The following SEMA5A variants were observed in gnomAD, a reference collection of about 807,000 sequenced individuals.
SEMA5A encodes the protein semaphorin 5A.
Under a neutral mutation model 135.5 loss-of-function variants are expected in SEMA5A, and 55 were observed. The observed-to-expected ratio is 0.41, with a 90% confidence interval of 0.33 to 0.51. SEMA5A has a LOEUF of 0.51. Ranked by LOEUF, SEMA5A falls within the 20% of genes least tolerant of loss-of-function variation. The pLI is 0.37. For synonymous variants in SEMA5A, 580 were observed against 546.5 expected, an observed-to-expected ratio of 1.06 and a Z score of -0.85; for missense variants, 1,290 against 1,419.9, an observed-to-expected ratio of 0.91 and a Z score of 1.47.
intron 15 of SEMA5A, among the ~76,000 whole-genome samples, chr5:9,117,214 C>T (rs1249138244): frequency 2.0e-5 from 3 of 152,154 alleles, no homozygotes; most frequent in African/African-American, 7.2e-5. Flanking sequence ...TATGTGGATG[C>T]AAACGTACGC....
At chr5:9,441,510 G>A (rs920138226) in intron 1 of SEMA5A, among the ~76,000 whole-genome samples, 9 of 152,102 alleles carry the variant, frequency 5.9e-5, no homozygotes, top group African/African-American at 1.9e-4. Flanking sequence ...ACCCCACCAC[G>A]GAGCCCACCA....
intron 4 of SEMA5A, among the ~76,000 whole-genome samples, chr5:9,326,795 A>G (rs1334063856): frequency 6.6e-6 from 1 of 152,172 alleles, no homozygotes; most frequent in Non-Finnish European, 1.5e-5. Context: ...TAAAATAAGG[A>G]AAAATAGTAA....
At chr5:9,324,877 C>A (rs57561781) in intron 4 of SEMA5A, among the ~76,000 whole-genome samples, 2,485 of 152,328 alleles carry the variant, frequency 0.016, 65 homozygotes, top group African/African-American at 0.057. Context: ...CTTCTGGCCC[C>A]TGGCCAACTG....
At position 9,156,318 on chromosome 5, in the gene SEMA5A, A is replaced by G. The variant is rs79907440; in HGVS notation, c.1274-1623T>C. The stretch of plus-strand genomic sequence containing the variant: ...GGTCTCTCTGCCTGGGGTACAGCGA[A>G]GAGTCAATAAACTTACACAGCACCA... On this transcript the variant is annotated intron_variant, in intron 11 of 22. Coordinates refer to ENST00000382496, the MANE Select transcript of SEMA5A (RefSeq NM_003966.3). Among the ~76,000 whole-genome samples the G allele has an allele frequency of 3.2e-3, 495 of 152,316 alleles. 5 individuals are homozygous for G. The highest frequency in any genetic ancestry group is 0.011 in the African/African-American group (452 of 41,562).
intron 10 of SEMA5A, among the ~76,000 whole-genome samples, chr5:9,195,055 G>T (rs1183072703): frequency 6.6e-6 from 1 of 152,128 alleles, no homozygotes; most frequent in Non-Finnish European, 1.5e-5. Flanking sequence ...TAACCTTCAG[G>T]ATTTTATTAT....
At chr5:9,223,983 G>C (rs1747152167) in intron 8 of SEMA5A, among the ~76,000 whole-genome samples, 1 of 152,130 alleles carries the variant, frequency 6.6e-6, no homozygotes, top group Non-Finnish European at 1.5e-5. Context: ...TGGATGAAAA[G>C]GGGAGAGGGA....
intron 11 of SEMA5A, among the ~76,000 whole-genome samples, chr5:9,162,634 G>T (rs1279551154): frequency 1.4e-5 from 2 of 145,194 alleles, no homozygotes; most frequent in South Asian, 4.3e-4. Context: ...AAGAAATGCA[G>T]TCGATTTCCT....
intron 5 of SEMA5A, among the ~76,000 whole-genome samples, chr5:9,247,214 A>G (rs1748527572): frequency 6.6e-6 from 1 of 152,126 alleles, no homozygotes; most frequent in Admixed American, 6.6e-5. Flanking sequence ...GGAATATCCC[A>G]TTTGTGATTT....
At chr5:9,136,670 T>G (rs781372611) in intron 12 of SEMA5A, 49 bp from the exon 13 acceptor site, 8 of 1,490,260 alleles carry the variant, frequency 5.4e-6, no homozygotes, top group Non-Finnish European at 7.5e-6. Context: ...TTACCCATGA[T>G]AAGATACACA....
At chr5:9,247,909 G>A (rs573466043) in intron 5 of SEMA5A, among the ~76,000 whole-genome samples, 6 of 152,236 alleles carry the variant, frequency 3.9e-5, no homozygotes, top group African/African-American at 1.4e-4. Context: ...TGGTAAATGA[G>A]CACTTAGTGA....
chr5:9,327,015 A>G (rs1300698958), intron 4 of SEMA5A, among the ~76,000 whole-genome samples: 1 of 152,270 alleles, frequency 6.6e-6, no homozygotes, highest in East Asian at 1.9e-4. Flanking sequence ...AAATTCTAGG[A>G]GACTTTTTAT....
chr5:9,119,879 T>C (rs1035870932), intron 14 of SEMA5A, among the ~76,000 whole-genome samples: 1 of 152,150 alleles, frequency 6.6e-6, no homozygotes, highest in African/African-American at 2.4e-5. Flanking sequence ...TTTATGTTAT[T>C]ACACATACAG....
chr5:9,157,965 A>C (rs150903179), intron 11 of SEMA5A, among the ~76,000 whole-genome samples: 1 of 152,168 alleles, frequency 6.6e-6, no homozygotes, highest in Admixed American at 6.5e-5. Context: ...TTAGTTACTA[A>C]CTTACTTGTT....
rs1248243648 is a variant in SEMA5A, at chr5:9,203,561, A to C, written c.647-1321T>G. Reference sequence around the variant, plus strand: ...AAGGGTTGGGATTGACTACTCTGTTATTCTGTCCAGGAAGACTATTGCCAA... The same window carrying C: ...AAGGGTTGGGATTGACTACTCTGTTCTTCTGTCCAGGAAGACTATTGCCAA... On this transcript the variant is annotated intron_variant, in intron 8 of 22. Coordinates refer to ENST00000382496, the MANE Select transcript of SEMA5A (RefSeq NM_003966.3). Among the ~76,000 whole-genome samples the C allele has an allele frequency of 2.0e-5, 3 of 152,218 alleles. No individual in the cohort carries two copies. The South Asian group carries it at 6.2e-4, about 31-fold the overall frequency.
chr5:9,211,292 A>T (rs1174017725), intron 8 of SEMA5A, among the ~76,000 whole-genome samples: 1 of 152,072 alleles, frequency 6.6e-6, no homozygotes, highest in Non-Finnish European at 1.5e-5. Flanking sequence ...TAGGCTGCTG[A>T]CTATGCAGTC....
intron 5 of SEMA5A, among the ~76,000 whole-genome samples, chr5:9,288,151 T>C (rs1040424551): frequency 6.6e-6 from 1 of 152,218 alleles, no homozygotes; most frequent in East Asian, 1.9e-4. Context: ...TCAAGGGTTC[T>C]ATAGGAATTA....
chr5:9,081,697 C>T (rs1236061508), intron 16 of SEMA5A, among the ~76,000 whole-genome samples: 1 of 152,110 alleles, frequency 6.6e-6, no homozygotes, highest in Non-Finnish European at 1.5e-5. Context: ...TTTAAGGTGC[C>T]TGATACTGTT....
chr5:9,467,436 G>A (rs1263088165), intron 1 of SEMA5A, among the ~76,000 whole-genome samples: 1 of 152,174 alleles, frequency 6.6e-6, no homozygotes, highest in Admixed American at 6.5e-5. Flanking sequence ...GAGGCCTGAT[G>A]AGCCTTTGCT....
chr5:9,036,004 A>G lies in SEMA5A; in HGVS notation c.*6893T>C, dbSNP rs1173156014. On this transcript the variant is annotated 3_prime_UTR_variant, in exon 23 of 23. Transcript: ENST00000382496. The stretch of plus-strand genomic sequence containing the variant: ...AATCTCAAGTTTATTTTGTGTTCAC[A>G]AAACAGCCAACAGCAAATTAACGCA... 1 of 151,880 alleles carries G rather than the reference A, an allele frequency of 6.6e-6. No homozygotes were observed. Among genetic ancestry groups the G allele is most frequent in the Non-Finnish European group, 1.5e-5 (1 of 68,006 alleles). The allele number at this position is 151,880 out of a possible 1,614,324, so 9.4% of individuals were successfully genotyped here.
Sources: gnomAD v4.1 joint callset for allele counts (sites outside exome capture counted in the v4.1 genomes callset) on GRCh38, gnomAD v4.1.1 for gene constraint, MANE v1.5 for transcripts, NCBI Gene and HGNC (gene_info 2026-07-23, HGNC 2026-07-21) for gene names.